CDK14: variants seen among roughly 807,000 people sequenced by gnomAD.
CDK14 encodes the protein cyclin dependent kinase 14, also known as cyclin-dependent kinase 14.
Under a neutral mutation model 60.7 loss-of-function variants are expected in CDK14, and 34 were observed. The observed-to-expected ratio is 0.56, with a 90% CI of 0.43 to 0.75. CDK14 has a LOEUF of 0.75. CDK14 is among the 30% of genes least tolerant of loss of function. The pLI, the probability that CDK14 is intolerant of heterozygous loss-of-function variation, is 0.00. For synonymous variants in CDK14, 197 were observed against 203.7 expected, an observed-to-expected ratio of 0.97 and a Z score of 0.28; for missense variants, 482 against 564.1, an observed-to-expected ratio of 0.85 and a Z score of 1.47.
intron 8 of CDK14, 81 bp downstream of exon 8, chr7:90,917,805 T>C: frequency 7.2e-7 from 1 of 1,380,348 alleles, no homozygotes; most frequent in Non-Finnish European, 1.0e-6. Flanking sequence ...TTTGTTTAGG[T>C]GCACTTCTTC....
chr7:90,759,122 G>A (rs1804209652), intron 4 of CDK14, among the ~76,000 whole-genome samples: 1 of 151,732 alleles, frequency 6.6e-6, no homozygotes, highest in Non-Finnish European at 1.5e-5. Flanking sequence ...CAAAGGGAAT[G>A]AAGAGAGGAT....
chr7:90,918,497 A>C (rs1396174354), intron 8 of CDK14, among the ~76,000 whole-genome samples: 2 of 152,210 alleles, frequency 1.3e-5, no homozygotes, highest in Admixed American at 1.3e-4. Flanking sequence ...TCTCTTGATC[A>C]AGGTTGACGT....
At chr7:91,073,880 C>G (rs1397081715) in intron 11 of CDK14, among the ~76,000 whole-genome samples, 2 of 149,692 alleles carry the variant, frequency 1.3e-5, no homozygotes, top group Non-Finnish European at 3.0e-5. Flanking sequence ...AGACTTTAAA[C>G]CAACAAAGAT....
intron 14 of CDK14, among the ~76,000 whole-genome samples, chr7:91,170,658 C>T (rs1375235250): frequency 6.6e-6 from 1 of 151,282 alleles, no homozygotes; most frequent in Non-Finnish European, 1.5e-5. Flanking sequence ...CAATTATTTA[C>T]AATGAAGAAT....
rs559763376 is a variant in CDK14 at position 91,175,507 on chromosome 7, G to C, written c.*29-31658G>C. On this transcript the variant is annotated intron_variant, in intron 14 of 14. Transcript: ENST00000380050. ...CTAAATGCTCCAATTGAAAGACACA[G>C]ACTGGCAAATTGAATAAAGAGTCAA... Among the ~76,000 whole-genome samples, 311 of 152,250 alleles carry C rather than the reference G, an allele frequency of 2.0e-3. 2 individuals are homozygous for C. Among genetic ancestry groups the C allele is most frequent in the African/African-American group, 7.0e-3 (289 of 41,532 alleles).
intron 2 of CDK14, among the ~76,000 whole-genome samples, chr7:90,698,801 T>A (rs1201608560): frequency 5.3e-5 from 8 of 152,212 alleles, no homozygotes; most frequent in Non-Finnish European, 7.3e-5. Flanking sequence ...TGGTAAAAAC[T>A]CTTGTCACCT....
chr7:91,141,350 C>T (rs181525211), intron 14 of CDK14, among the ~76,000 whole-genome samples: 2 of 152,270 alleles, frequency 1.3e-5, no homozygotes, highest in Admixed American at 6.5e-5. Flanking sequence ...TCACTGGCGA[C>T]TTCAAAGAAC....
At chr7:91,183,027 T>C (rs1194695949) in intron 14 of CDK14, among the ~76,000 whole-genome samples, 2 of 152,226 alleles carry the variant, frequency 1.3e-5, no homozygotes, top group East Asian at 3.8e-4. Flanking sequence ...GTTGCAAACT[T>C]CTAATGTTTA....
chr7:90,972,778 T>A (rs1017063304), intron 9 of CDK14, among the ~76,000 whole-genome samples: 19 of 152,242 alleles, frequency 1.2e-4, no homozygotes, highest in Non-Finnish European at 2.9e-5. Flanking sequence ...AGAGAATTGA[T>A]CTGAGTTATA....
At chr7:91,202,281 A>T (rs964407586) in intron 14 of CDK14, among the ~76,000 whole-genome samples, 2 of 152,188 alleles carry the variant, frequency 1.3e-5, no homozygotes, top group Non-Finnish European at 2.9e-5. Flanking sequence ...CTGAATAAGG[A>T]TTTTATCAAT....
At chr7:90,797,517 A>G (rs544781160) in intron 5 of CDK14, among the ~76,000 whole-genome samples, 6 of 152,000 alleles carry the variant, frequency 3.9e-5, no homozygotes, top group Admixed American at 2.0e-4. Context: ...AGTTCAGCCC[A>G]TAACAGCACT....
chr7:90,704,960 A>G (rs1801866320), intron 2 of CDK14, among the ~76,000 whole-genome samples: 1 of 152,136 alleles, frequency 6.6e-6, no homozygotes, highest in Non-Finnish European at 1.5e-5. Context: ...CAAAATGAAC[A>G]TTTAAAAATC....
At chr7:90,803,759 A>T (rs1468981745) in intron 5 of CDK14, among the ~76,000 whole-genome samples, 2 of 152,150 alleles carry the variant, frequency 1.3e-5, no homozygotes, top group Non-Finnish European at 2.9e-5. Context: ...TTAATTTTTA[A>T]TTCCTTGAGG....
At chr7:91,061,828 G>C (rs1797802982) in intron 11 of CDK14, among the ~76,000 whole-genome samples, 1 of 152,224 alleles carries the variant, frequency 6.6e-6, no homozygotes, top group Non-Finnish European at 1.5e-5. Context: ...GTGCCTCCCA[G>C]TTAGGCTACT....
At chr7:90,922,811 A>T (rs888814939) in intron 8 of CDK14, among the ~76,000 whole-genome samples, 2 of 152,192 alleles carry the variant, frequency 1.3e-5, no homozygotes, top group Non-Finnish European at 2.9e-5. Context: ...TATTAAAATT[A>T]TAAATATTTG....
At chr7:90,709,487 T>G (rs994407618) in intron 2 of CDK14, 13 of 1,605,418 alleles carry the variant, frequency 8.1e-6, no homozygotes, top group Non-Finnish European at 8.5e-6. Flanking sequence ...AGCCCTGCAT[T>G]GCAAATCAAT....
chr7:90,940,405 C>A (rs1182763969), intron 8 of CDK14, among the ~76,000 whole-genome samples: 2 of 152,096 alleles, frequency 1.3e-5, no homozygotes, highest in East Asian at 1.9e-4. Flanking sequence ...AATTCCAGTT[C>A]TTTCCTGGAG....
At chr7:91,066,492 TA>T (rs1194797824) in intron 11 of CDK14, among the ~76,000 whole-genome samples, 1 of 152,178 alleles carries the variant, frequency 6.6e-6, no homozygotes, top group African/African-American at 2.4e-5. Context: ...TCATTGAAGT[TA>T]AAAACACAGC....
chr7:91,074,808 A>G (rs1013576670), intron 11 of CDK14, among the ~76,000 whole-genome samples: 3 of 152,234 alleles, frequency 2.0e-5, no homozygotes, highest in Non-Finnish European at 4.4e-5. Flanking sequence ...GATAAATGGG[A>G]TATCACCAGT....
Sources: gnomAD v4.1 joint callset for allele counts (sites outside exome capture counted in the v4.1 genomes callset) on GRCh38, gnomAD v4.1.1 for gene constraint, MANE v1.5 for transcripts, NCBI Gene and HGNC (gene_info 2026-07-23, HGNC 2026-07-21) for gene names.